BZW1: variants seen among roughly 807,000 people sequenced by gnomAD.
BZW1 encodes the protein basic leucine zipper and W2 domains 1.
In BZW1, 3 loss-of-function variants were observed where a neutral mutation model predicts 54.1. That is an observed-to-expected ratio of 0.06 (90% confidence interval 0.03 to 0.14). The LOEUF (loss-of-function observed/expected upper bound fraction) is 0.14, where lower values mean the gene tolerates loss of function less well. BZW1 is among the 10% of genes least tolerant of loss of function. The pLI is 1.00. For missense variants in BZW1, 206 were observed against 491.7 expected (o/e 0.42, Z 5.50); for synonymous variants, 152 against 162.7 (o/e 0.93, Z 0.50).
At chr2:200,812,591 T>G in intron 1 of BZW1, 4 of 1,391,930 alleles carry the variant, frequency 2.9e-6, no homozygotes, top group Non-Finnish European at 3.8e-6. Context: ...GCGGGAGGCA[T>G]GGGAAGGGTG....
At chr2:200,816,280 C>T in intron 4 of BZW1, 45 bp from the exon 5 acceptor site, 1 of 1,419,894 alleles carries the variant, frequency 7.0e-7, no homozygotes, top group Non-Finnish European at 9.8e-7. Context: ...CTTTGCTATT[C>T]TAGAAATATA....
chr2:200,812,725 C>A, intron 1 of BZW1: 1 of 771,988 alleles, frequency 1.3e-6, no homozygotes. Flanking sequence ...CGGTCACAGG[C>A]ATGACCTAGG....
chr2:200,813,021 CA>C (rs2038147720), intron 1 of BZW1, 186 bp from the exon 2 acceptor site: 1 of 694,476 alleles, frequency 1.4e-6, no homozygotes, highest in African/African-American at 1.8e-5. Flanking sequence ...GAGAAATGCA[CA>C]TTTTGACGTA....
chr2:200,817,474 G>A (rs146348874), intron 6 of BZW1, among the ~76,000 whole-genome samples: 19 of 152,260 alleles, frequency 1.2e-4, no homozygotes, highest in African/African-American at 4.3e-4. Context: ...GTTGTTATAT[G>A]TAATAAAAAT....
In BZW1 at chr2:200,820,058, A is replaced by T. The variant is rs2038451289; in HGVS notation, c.1043A>T (p.Tyr348Phe). 1 of 1,554,494 alleles carries T rather than the reference A, an allele frequency of 6.4e-7. No homozygotes were observed. Among genetic ancestry groups the T allele is most frequent in the Non-Finnish European group, 8.7e-7 (1 of 1,148,506 alleles). Residue 348 changes from tyrosine (Y) to phenylalanine (F), a missense_variant, in exon 10 of 12, where the codon TAT becomes TTT. Tyr to Phe is a conservative substitution (Grantham distance 22). Transcript: ENST00000409600. Reference protein sequence around the residue: ...ELTLLLKIQEYCYDNIHFMKA... With the variant: ...ELTLLLKIQEFCYDNIHFMKA... ...ACTCTGTTACTGAAGATTCAGGAGT[A>T]TTGCTATGACAACATTCATTTCATG... is the stretch of plus-strand genomic sequence containing the variant.
At chr2:200,821,921 TAGCC>T (rs1309000741) in intron 11 of BZW1, among the ~76,000 whole-genome samples, 1 of 152,014 alleles carries the variant, frequency 6.6e-6, no homozygotes, top group Non-Finnish European at 1.5e-5. Flanking sequence ...AATAAAAAAT[TAGCC>T]AGTTTTGGTG....
In BZW1 at chr2:200,826,410, T is replaced by TAGATAGA. The variant is rs1559318421; in HGVS notation, c.*4232_*4233insAGATAGA. 7.2e-5 allele frequency: 4 copies of TAGATAGA among 55,940 alleles called. No individual in the cohort carries two copies. The highest frequency in any genetic ancestry group is 2.5e-4 in the African/African-American group (3 of 12,122). The allele number at this position is 55,940 out of a possible 1,614,324, so 3.5% of individuals were successfully genotyped here. ...ATAGATAGATAGATAGATAGATATT[T>TAGATAGA]TTTTTTTTTTTTTTTTTTTTTTTTT... is the stretch of plus-strand genomic sequence containing the variant. On this transcript the variant is annotated 3_prime_UTR_variant, in exon 12 of 12. Transcript: ENST00000409600.
chr2:200,814,358 C>T (rs555176629), intron 2 of BZW1, among the ~76,000 whole-genome samples: 1 of 152,272 alleles, frequency 6.6e-6, no homozygotes, highest in South Asian at 2.1e-4. Flanking sequence ...GGGTATACAA[C>T]ACTCCCTGTC....
intron 8 of BZW1, 108 bp downstream of exon 8, chr2:200,818,501 G>A: frequency 7.6e-7 from 1 of 1,308,120 alleles, no homozygotes; most frequent in East Asian, 2.3e-5. Flanking sequence ...AATAGTAACA[G>A]GATGTTATAC....
Position 200,818,026 on chromosome 2 carries a change from A to G in BZW1, c.591A>G (p.Lys197=), listed in dbSNP as rs765144282. Residue 197 remains lysine (K), a synonymous_variant, in exon 7 of 12, where the codon AAA becomes AAG. Transcript: ENST00000409600. The stretch of plus-strand genomic sequence containing the variant: ...TCTTTAAATCATGGATAAATGAAAA[A>G]GATATCAATGCAGTAGCTGCAAGTC... ...VKLFKSWINE[K]DINAVAASLR... 3 of 1,554,842 alleles carry G rather than the reference A, an allele frequency of 1.9e-6. No individual in the cohort carries two copies. The African/African-American group carries it at 4.1e-5, about 21-fold the overall frequency.
chr2:200,826,179 A>T lies in BZW1; in HGVS notation c.*4001A>T, dbSNP rs947716442. 4.6e-5 allele frequency: 7 copies of T among 152,154 alleles called. No homozygotes were observed. The highest frequency in any genetic ancestry group is 1.7e-4 in the African/African-American group (7 of 41,438). 9.4% of individuals were successfully genotyped at this position (152,154 alleles called of 1,614,324 possible). ...AGTGGATTAATATCTGAACAATCTT[A>T]GACATAATTATATGAAACTGGATCA... On this transcript the variant is annotated 3_prime_UTR_variant, in exon 12 of 12. Transcript: ENST00000409600.
At position 200,817,971 on chromosome 2, in the gene BZW1, C is replaced by T. The variant is rs770487405; in HGVS notation, c.539-3C>T. ...CTGTTAATTAAGCTATTTTCTTTTA[C>T]AGGAGTTTCAGCAGCTTTTGCTGTG... On this transcript the variant is annotated splice_polypyrimidine_tract_variant and splice_region_variant and intron_variant, in intron 6 of 11. Coordinates refer to ENST00000409600, the MANE Select transcript of BZW1 (RefSeq NM_001207067.2). 19 of 1,541,288 alleles carry T rather than the reference C, an allele frequency of 1.2e-5. No homozygotes were observed. Among genetic ancestry groups the T allele is most frequent in the South Asian group, 2.4e-5 (2 of 83,526 alleles).
chr2:200,812,422 TG>T (rs1559308272), intron 1 of BZW1: 3 of 1,283,144 alleles, frequency 2.3e-6, no homozygotes, highest in South Asian at 2.5e-5. Context: ...ACGGGGCGCC[TG>T]GGGCCCCGGC....
rs1306051644 is a variant in BZW1 at position 200,826,001 on chromosome 2, T to C, written c.*3823T>C. The stretch of plus-strand genomic sequence containing the variant: ...TCCTCTAGTATCAATACGAAGTTTT[T>C]CTATTCCCCAGCCTACTAAGGCCTA... On this transcript the variant is annotated 3_prime_UTR_variant, in exon 12 of 12. Coordinates refer to ENST00000409600, the MANE Select transcript of BZW1 (RefSeq NM_001207067.2). 6.6e-6 allele frequency: 1 copy of C among 152,204 alleles called. No individual in the cohort carries two copies. The highest frequency in any genetic ancestry group is 2.4e-5 in the African/African-American group (1 of 41,442). 9.4% of individuals were successfully genotyped at this position (152,204 alleles called of 1,614,324 possible).
At chr2:200,815,246 A>G in intron 2 of BZW1, 95 bp from the exon 3 acceptor site, 1 of 1,261,062 alleles carries the variant, frequency 7.9e-7, no homozygotes, top group East Asian at 2.4e-5. Context: ...ATTTAATCTA[A>G]CTTATTTAAC....
rs951925974 is a variant in BZW1, at chr2:200,824,483, T to C, written c.*2305T>C. On this transcript the variant is annotated 3_prime_UTR_variant, in exon 12 of 12. Coordinates refer to ENST00000409600, the MANE Select transcript of BZW1 (RefSeq NM_001207067.2). ...CTTACTCTGTGAGTTATAGATGTTATTTCATTCTATATATAGATGTTTATT... is the reference window on the plus strand; with the variant it reads ...CTTACTCTGTGAGTTATAGATGTTACTTCATTCTATATATAGATGTTTATT... 6.6e-6 allele frequency: 1 copy of C among 151,906 alleles called. No homozygotes were observed. The highest frequency in any genetic ancestry group is 2.4e-5 in the African/African-American group (1 of 41,398). 9.4% of individuals were successfully genotyped at this position (151,906 alleles called of 1,614,324 possible). A position where few individuals can be genotyped will look rare whatever the true frequency, so the allele number is the denominator to read the frequency against.
Position 200,813,286 on chromosome 2 carries a change from ATATT to A in BZW1, c.64+8_64+11del. On this transcript the variant is annotated splice_donor_region_variant and intron_variant, in intron 2 of 11. Transcript: ENST00000409600. ...GTTTTAAAACTAGAAAAAGAGGTAA[ATATT>A]TACGTTTTAATGTCTCTCTTCAAAC... 1 of 1,610,512 alleles carries A rather than the reference ATATT, an allele frequency of 6.2e-7. No homozygotes were observed. Among genetic ancestry groups the A allele is most frequent in the Non-Finnish European group, 8.5e-7 (1 of 1,177,306 alleles).
In BZW1 at chr2:200,821,269, A is replaced by G. The variant is rs768798155; in HGVS notation, c.1192A>G (p.Lys398Glu). 6.2e-6 allele frequency: 10 copies of G among 1,613,262 alleles called. No homozygotes were observed. In the East Asian group the frequency reaches 1.3e-4, roughly 22 times the overall value. ...GAAGAGTGTTTTCCTTGAGCAAATGAAAAAGTTTGTAGAATGGCTCAAAAA... is the reference window on the plus strand; with the variant it reads ...GAAGAGTGTTTTCCTTGAGCAAATGGAAAAGTTTGTAGAATGGCTCAAAAA... Reference protein sequence around the residue: ...KGKSVFLEQMKKFVEWLKNAE... With the variant: ...KGKSVFLEQMEKFVEWLKNAE... Residue 398 changes from lysine to glutamate, a missense_variant, in exon 11 of 12, where the codon AAA becomes GAA. Around this residue, in one of 5 missense-constraint regions of BZW1, gnomAD observed 60 missense variants for 151.8 expected, o/e 0.40. Transcript: ENST00000409600.
intron 1 of BZW1, chr2:200,812,592 G>C: frequency 7.2e-7 from 1 of 1,397,552 alleles, no homozygotes; most frequent in Non-Finnish European, 9.4e-7. Flanking sequence ...CGGGAGGCAT[G>C]GGAAGGGTGT....
Sources: allele counts gnomAD v4.1 joint callset (sites outside exome capture counted in the v4.1 genomes callset), GRCh38; gene constraint gnomAD v4.1.1; regional missense constraint gnomAD v4.1.1; transcripts MANE v1.5; gene names NCBI Gene and HGNC (gene_info 2026-07-23, HGNC 2026-07-21).